TAFA1: variants seen among roughly 807,000 people sequenced by gnomAD.
TAFA1 encodes TAFA chemokine like family member 1.
In TAFA1, 4 loss-of-function variants were observed where a neutral mutation model predicts 18.5. That is an observed-to-expected ratio of 0.22 (90% confidence interval 0.11 to 0.49). The LOEUF is 0.49. Among genes scored for constraint, TAFA1 ranks in the 20% least tolerant of loss-of-function variants. TAFA1 has a pLI of 0.98. For missense variants in TAFA1, 147 were observed against 169.0 expected, an observed-to-expected ratio of 0.87 and a Z score of 0.72; for synonymous variants, 56 against 55.2, an observed-to-expected ratio of 1.01 and a Z score of -0.06.
In TAFA1 at chr3:68,272,102, T is replaced by C. The variant is rs550193938; in HGVS notation, c.119-145178T>C. The stretch of plus-strand genomic sequence containing the variant: ...AAATATGCCTTTGTATTGCAGTTGC[T>C]TTCTGCCAAAGATAGAAATCACTTT... On this transcript the variant is annotated intron_variant, in intron 2 of 4. Transcript: ENST00000478136. 2.0e-5 allele frequency among the ~76,000 whole-genome samples: 3 copies of C among 152,308 alleles called. No homozygotes were observed. The South Asian group carries it at 6.2e-4, about 32-fold the overall frequency.
At chr3:68,342,802 C>A (rs749715152) in intron 2 of TAFA1, among the ~76,000 whole-genome samples, 7 of 152,144 alleles carry the variant, frequency 4.6e-5, no homozygotes, top group Non-Finnish European at 1.0e-4. Flanking sequence ...GCGAGTTAGG[C>A]GTCACAAAGG....
intron 2 of TAFA1, among the ~76,000 whole-genome samples, chr3:68,287,918 G>A (rs2068042102): frequency 8.1e-6 from 1 of 124,194 alleles, no homozygotes; most frequent in Admixed American, 9.2e-5. Flanking sequence ...GGGGGGTGGG[G>A]GGGCTTTTTG....
At chr3:68,303,408 T>C (rs73099621) in intron 2 of TAFA1, among the ~76,000 whole-genome samples, 19,042 of 152,130 alleles carry the variant, frequency 0.13, 1,488 homozygotes, top group East Asian at 0.36. Flanking sequence ...AACAAAACAA[T>C]GATTTTTGGC....
chr3:67,994,866 T>TG, the TAFA1 span, among the ~76,000 whole-genome samples: 1 of 152,124 alleles, frequency 6.6e-6, no homozygotes, highest in Non-Finnish European at 1.5e-5. Flanking sequence ...GTCAAGGGAA[T>TG]GGGGCTACCG....
At chr3:68,491,022 A>G (rs1277071483) in intron 3 of TAFA1, among the ~76,000 whole-genome samples, 1 of 151,896 alleles carries the variant, frequency 6.6e-6, no homozygotes, top group Admixed American at 6.6e-5. Context: ...TACTTTTTAT[A>G]GAGATGGGAT....
chr3:68,203,221 G>A (rs568112854), intron 2 of TAFA1, among the ~76,000 whole-genome samples: 5 of 151,434 alleles, frequency 3.3e-5, no homozygotes, highest in South Asian at 4.2e-4. Flanking sequence ...CTTCTTTCAC[G>A]ACTTTATCTT....
intron 3 of TAFA1, among the ~76,000 whole-genome samples, chr3:68,427,528 T>C (rs904741477): frequency 1.3e-5 from 2 of 151,910 alleles, no homozygotes; most frequent in African/African-American, 4.8e-5. Flanking sequence ...TATAAGGAAG[T>C]AGTAAAACTT....
chr3:68,140,873 C>T (rs968608641), intron 2 of TAFA1, among the ~76,000 whole-genome samples: 2 of 152,148 alleles, frequency 1.3e-5, no homozygotes, highest in South Asian at 2.1e-4. Context: ...CCTTTACTGC[C>T]CTGCTGCTTC....
chr3:68,211,140 C>A (rs1371431481), intron 2 of TAFA1, among the ~76,000 whole-genome samples: 1 of 151,974 alleles, frequency 6.6e-6, no homozygotes, highest in East Asian at 1.9e-4. Flanking sequence ...TATGACCTAG[C>A]CTCGAAATCA....
At chr3:68,199,162 A>T (rs2066445432) in intron 2 of TAFA1, among the ~76,000 whole-genome samples, 1 of 151,536 alleles carries the variant, frequency 6.6e-6, no homozygotes, top group African/African-American at 2.4e-5. Flanking sequence ...GTTCATTGTT[A>T]AAGATCAGTT....
At chr3:68,351,286 T>C (rs1158980999) in intron 2 of TAFA1, among the ~76,000 whole-genome samples, 1 of 152,132 alleles carries the variant, frequency 6.6e-6, no homozygotes, top group Admixed American at 6.6e-5. Flanking sequence ...GTCACTGTCC[T>C]GAACAATCCA....
chr3:68,523,186 G>A (rs2073054059), intron 3 of TAFA1, among the ~76,000 whole-genome samples: 1 of 152,352 alleles, frequency 6.6e-6, no homozygotes, highest in East Asian at 1.9e-4. Context: ...TGGCAAACTG[G>A]AGAACATGAA....
intron 2 of TAFA1, among the ~76,000 whole-genome samples, chr3:68,046,257 G>A (rs936469760): frequency 7.9e-5 from 12 of 151,704 alleles, no homozygotes; most frequent in Admixed American, 2.6e-4. Context: ...GATTTTTTTT[G>A]TATTGCTGCC....
At chr3:68,038,826 A>T (rs937042076) in intron 2 of TAFA1, among the ~76,000 whole-genome samples, 21 of 152,232 alleles carry the variant, frequency 1.4e-4, no homozygotes, top group Non-Finnish European at 2.4e-4. Context: ...CACTGCTGTT[A>T]TCATTTCATT....
intron 3 of TAFA1, among the ~76,000 whole-genome samples, chr3:68,461,732 G>A (rs1184952993): frequency 6.6e-6 from 1 of 151,574 alleles, no homozygotes; most frequent in Non-Finnish European, 1.5e-5. Flanking sequence ...CTTTCCTATA[G>A]AAGGCAATTC....
intron 3 of TAFA1, among the ~76,000 whole-genome samples, chr3:68,444,566 A>G: frequency 6.6e-6 from 1 of 152,078 alleles, no homozygotes; most frequent in East Asian, 1.9e-4. Context: ...CTCCCTAAGA[A>G]TATTTGGAGG....
At chr3:68,108,195 TC>T (rs1432111525) in intron 2 of TAFA1, among the ~76,000 whole-genome samples, 1 of 152,130 alleles carries the variant, frequency 6.6e-6, no homozygotes, top group African/African-American at 2.4e-5. Context: ...ATTATTTTTG[TC>T]CTCTAAAGTG....
At chr3:68,226,839 A>G (rs2066807148) in intron 2 of TAFA1, among the ~76,000 whole-genome samples, 1 of 152,166 alleles carries the variant, frequency 6.6e-6, no homozygotes, top group African/African-American at 2.4e-5. Flanking sequence ...TCCTGATGCC[A>G]GTGCTTTTTC....
chr3:68,203,772 G>A (rs553030018), intron 2 of TAFA1, among the ~76,000 whole-genome samples: 16 of 151,748 alleles, frequency 1.1e-4, no homozygotes, highest in African/African-American at 3.4e-4. Flanking sequence ...CATCAAGTTA[G>A]GCTCTAGGTA....
Sources: allele counts gnomAD v4.1 joint callset (sites outside exome capture counted in the v4.1 genomes callset), GRCh38; gene constraint gnomAD v4.1.1; transcripts MANE v1.5; gene names NCBI Gene and HGNC (gene_info 2026-07-23, HGNC 2026-07-21).